C12orf42: variants seen among roughly 807,000 people sequenced by gnomAD.
C12orf42 encodes chromosome 12 open reading frame 42.
C12orf42 carries 25 observed loss-of-function variants against 21.6 expected under a neutral mutation model. The observed-to-expected ratio is 1.16, with a 90% CI of 0.84 to 1.62. The LOEUF (loss-of-function observed/expected upper bound fraction) is 1.62, where lower values mean the gene tolerates loss of function less well. C12orf42 is among the 40% of genes most tolerant of loss of function. The pLI is 0.00. For missense variants in C12orf42, 483 were observed against 459.3 expected (o/e 1.05, Z -0.47); for synonymous variants, 174 against 175.0 (o/e 0.99, Z 0.05).
the C12orf42 span, among the ~76,000 whole-genome samples, chr12:103,091,495 T>C: frequency 6.6e-6 from 1 of 152,246 alleles, no homozygotes; most frequent in Admixed American, 6.5e-5. Context: ...ATAGAGAAGC[T>C]ATTCTCTCTT....
At chr12:103,499,248 G>GTTCT (rs1463441595), upstream of C12orf42, among the ~76,000 whole-genome samples, 1 of 152,130 alleles carries the variant, frequency 6.6e-6, no homozygotes, top group Non-Finnish European at 1.5e-5. Flanking sequence ...TGCTAAGACA[G>GTTCT]TTCTCACCAC....
chr12:103,408,634 C>T (rs573530213), intron 2 of C12orf42, among the ~76,000 whole-genome samples: 1 of 152,294 alleles, frequency 6.6e-6, no homozygotes, highest in South Asian at 2.1e-4. Context: ...TTATCAGCCA[C>T]TGATTTCAGA....
upstream of C12orf42, among the ~76,000 whole-genome samples, chr12:103,497,933 G>A (rs777218023): frequency 6.6e-6 from 1 of 152,130 alleles, no homozygotes. Context: ...TACTCAGGAG[G>A]CTGAGGCAGG....
At chr12:103,316,561 G>C (rs1225254707) in intron 4 of C12orf42, among the ~76,000 whole-genome samples, 4 of 151,988 alleles carry the variant, frequency 2.6e-5, no homozygotes, top group Non-Finnish European at 5.9e-5. Context: ...TCTCATTCTT[G>C]ATTGATCTAA....
At chr12:103,443,623 T>A (rs1280975014) in intron 2 of C12orf42, among the ~76,000 whole-genome samples, 8 of 152,092 alleles carry the variant, frequency 5.3e-5, no homozygotes, top group Non-Finnish European at 1.0e-4. Flanking sequence ...TTCAAAAAAT[T>A]AAAAATTCTC....
chr12:103,401,463 T>A, intron 3 of C12orf42, 144 bp downstream of exon 3: 1 of 716,362 alleles, frequency 1.4e-6, no homozygotes, highest in Non-Finnish European at 2.4e-6. Flanking sequence ...CTTTTAACAT[T>A]CTTCTTATTT....
At chr12:103,344,286 T>A (rs1454176767) in intron 4 of C12orf42, among the ~76,000 whole-genome samples, 1 of 152,210 alleles carries the variant, frequency 6.6e-6, no homozygotes, top group Non-Finnish European at 1.5e-5. Flanking sequence ...GTTCTCATGG[T>A]GCAAAGAGGA....
upstream of C12orf42, among the ~76,000 whole-genome samples, chr12:103,499,093 G>A (rs1027483984): frequency 6.6e-6 from 1 of 152,122 alleles, no homozygotes; most frequent in Non-Finnish European, 1.5e-5. Context: ...TAGATGATGG[G>A]GAGCGAGGAG....
At chr12:103,228,659 T>C in the C12orf42 span, among the ~76,000 whole-genome samples, 1 of 152,090 alleles carries the variant, frequency 6.6e-6, no homozygotes, top group East Asian at 1.9e-4. Flanking sequence ...TCTGTCCTGG[T>C]ATATCTTGAA....
chr12:103,295,883 C>CT (rs1486150934), intron 4 of C12orf42, among the ~76,000 whole-genome samples: 1 of 151,570 alleles, frequency 6.6e-6, no homozygotes, highest in Non-Finnish European at 1.5e-5. Flanking sequence ...TTAAATTATA[C>CT]TTTAAGTTCT....
the C12orf42 span, among the ~76,000 whole-genome samples, chr12:103,157,947 G>A: frequency 6.6e-6 from 1 of 152,078 alleles, no homozygotes; most frequent in Admixed American, 6.6e-5. Flanking sequence ...ATATAATTCT[G>A]TTATACTCTG....
At chr12:103,255,679 T>A (rs961014276) in intron 10 of C12orf42, among the ~76,000 whole-genome samples, 1 of 152,100 alleles carries the variant, frequency 6.6e-6, no homozygotes, top group Non-Finnish European at 1.5e-5. Flanking sequence ...CATATTTTGA[T>A]TTAAACTTGC....
intron 2 of C12orf42, among the ~76,000 whole-genome samples, chr12:103,405,275 T>A (rs2048336289): frequency 1.3e-5 from 2 of 152,220 alleles, no homozygotes; most frequent in Non-Finnish European, 2.9e-5. Context: ...TCAACAGAAA[T>A]GTTAGTATAA....
chr12:103,354,656 A>G lies in C12orf42; in HGVS notation c.259+14231T>C, dbSNP rs182564465. Among the ~76,000 whole-genome samples the G allele has an allele frequency of 4.5e-3, 691 of 152,288 alleles. 2 individuals are homozygous for G. The highest frequency in any genetic ancestry group is 0.016 in the African/African-American group (649 of 41,576). ...TAGATTGGTAAATGCATATAAAATT[A>G]TAGATAAATAGGAAGAATAAGTTGG... On this transcript the variant is annotated intron_variant, in intron 4 of 5. Transcript: ENST00000548883.
chr12:103,481,779 G>T (rs1954489950), intron 1 of C12orf42, among the ~76,000 whole-genome samples: 1 of 149,456 alleles, frequency 6.7e-6, no homozygotes, highest in African/African-American at 2.4e-5. Context: ...TTATCTACGT[G>T]TCCTGGTTCT....
chr12:103,215,019 C>T, the C12orf42 span, among the ~76,000 whole-genome samples: 5 of 152,232 alleles, frequency 3.3e-5, no homozygotes, highest in East Asian at 9.7e-4. Flanking sequence ...ATACCAAAGA[C>T]AATACTCTGC....
chr12:103,231,561 T>G, the C12orf42 span, among the ~76,000 whole-genome samples: 13 of 152,288 alleles, frequency 8.5e-5, no homozygotes, highest in African/African-American at 2.9e-4. Context: ...AATCATACAG[T>G]ATGCAGTTTT....
At chr12:103,391,587 T>C (rs1361006857) in intron 3 of C12orf42, among the ~76,000 whole-genome samples, 1 of 152,070 alleles carries the variant, frequency 6.6e-6, no homozygotes, top group Non-Finnish European at 1.5e-5. Context: ...TTCAAGTCCT[T>C]TGCCCATTTT....
At chr12:103,400,812 C>G (rs1030110222) in intron 3 of C12orf42, among the ~76,000 whole-genome samples, 1 of 152,198 alleles carries the variant, frequency 6.6e-6, no homozygotes, top group Non-Finnish European at 1.5e-5. Flanking sequence ...AGAAAACTAT[C>G]TCCTCCTCAT....
Sources: allele counts gnomAD v4.1 joint callset (sites outside exome capture counted in the v4.1 genomes callset), GRCh38; gene constraint gnomAD v4.1.1; transcripts MANE v1.5; gene names NCBI Gene and HGNC (gene_info 2026-07-23, HGNC 2026-07-21).